The following STIL variants were observed in gnomAD, a reference collection of about 807,000 sequenced individuals.
The protein encoded by STIL is STIL centriolar assembly protein.
In STIL, 55 loss-of-function variants were observed where a neutral mutation model predicts 110.1. That is an observed-to-expected ratio of 0.50 (90% CI 0.40 to 0.63). The LOEUF (loss-of-function observed/expected upper bound fraction) is 0.63. Among genes scored for constraint, STIL ranks in the 20% least tolerant of loss-of-function variants. The pLI, the probability that STIL is intolerant of heterozygous loss-of-function variation, is 0.00. For missense variants in STIL, 1,358 were observed against 1,530.0 expected (o/e 0.89, Z 1.87); for synonymous variants, 481 against 530.0 (o/e 0.91, Z 1.27).
chr1:47,310,856 T>C (rs1439196468), intron 1 of STIL, among the ~76,000 whole-genome samples: 1 of 152,100 alleles, frequency 6.6e-6, no homozygotes, highest in Non-Finnish European at 1.5e-5. Context: ...AAAATCAGTG[T>C]TCTTTTTTTT....
rs1645127306 is a variant in STIL at position 47,280,514 on chromosome 1, A to C, written c.1944T>G (p.Cys648Trp). 1.2e-6 allele frequency: 2 copies of C among 1,614,140 alleles called. No individual in the cohort carries two copies. The highest frequency in any genetic ancestry group is 2.7e-5 in the African/African-American group (2 of 74,952). ...QKHSLFHPSG[C>W]PALYCNAFCS... ...AGAATGCATTACAGTACAGGGCTGG[A>C]CATCCACTTGGGTGAAATAATGAAT... The change falls in exon 12 of 17, where the codon TGT (cysteine) becomes TGG (tryptophan). Residue 648 changes from cysteine to tryptophan, a missense_variant. Cys to Trp is a radical substitution (Grantham distance 215). Transcript: ENST00000371877.
chr1:47,289,872 A>G (rs1445602705), intron 8 of STIL, among the ~76,000 whole-genome samples: 1 of 146,918 alleles, frequency 6.8e-6, no homozygotes, highest in Non-Finnish European at 1.5e-5. Context: ...CGGGAGGCGG[A>G]GCTTGTAATG....
chr1:47,280,276 C>T lies in STIL; in HGVS notation c.2182G>A (p.Glu728Lys). Reference sequence around the variant, plus strand: ...AGTAGTCTTAGCTGTCTGTCTTGTTCTGTGAGGAACCGATATGCATCTGGA... The same window carrying T: ...AGTAGTCTTAGCTGTCTGTCTTGTTTTGTGAGGAACCGATATGCATCTGGA... ...LSPDAYRFLTEQDRQLRLLQA... is the reference protein window; with the variant it reads ...LSPDAYRFLTKQDRQLRLLQA... The change falls in exon 12 of 17, where the codon GAA becomes AAA. Residue 728 changes from glutamate (E) to lysine (K), a missense_variant. By Grantham distance (56) the Glu-to-Lys change is moderately conservative (BLOSUM62 1). Transcript: ENST00000371877. 6.2e-7 allele frequency: 1 copy of T among 1,614,218 alleles called. No individual in the cohort carries two copies. The highest frequency in any genetic ancestry group is 8.5e-7 in the Non-Finnish European group (1 of 1,180,040).
At position 47,262,872 on chromosome 1, in the gene STIL, C is replaced by A. The variant is rs747929067; in HGVS notation, c.2829+31G>T. 2.5e-6 allele frequency: 4 copies of A among 1,606,202 alleles called. No individual in the cohort carries two copies. In the South Asian group the frequency reaches 3.3e-5, roughly 13 times the overall value. ...TATATCCTATACTAAATAACCTTCT[C>A]AAAAAGATGAAATGCTCTACATTTT... On this transcript the variant is annotated intron_variant, in intron 15 of 16. Transcript: ENST00000371877.
At chr1:47,300,955 T>C (rs935552405) in intron 5 of STIL, among the ~76,000 whole-genome samples, 2 of 152,220 alleles carry the variant, frequency 1.3e-5, no homozygotes, top group African/African-American at 2.4e-5. Context: ...GCCCAACTTC[T>C]ACAATGGCTA....
At chr1:47,265,519 A>T (rs1644623474) in intron 14 of STIL, among the ~76,000 whole-genome samples, 1 of 151,662 alleles carries the variant, frequency 6.6e-6, no homozygotes, top group Non-Finnish European at 1.5e-5. Flanking sequence ...GGTGACTCAC[A>T]CCTGTAATCC....
intron 7 of STIL, 55 bp downstream of exon 7, chr1:47,295,710 C>A: frequency 8.4e-7 from 1 of 1,191,760 alleles, no homozygotes; most frequent in Non-Finnish European, 1.3e-6. Flanking sequence ...ACATGCTTAT[C>A]ATATACATTT....
Position 47,281,392 on chromosome 1 carries a change from A to G in STIL, c.1249-183T>C, listed in dbSNP as rs566455134. Among the ~76,000 whole-genome samples, 287 of 152,320 alleles carry G rather than the reference A, an allele frequency of 1.9e-3. 1 individual carries two copies. Among genetic ancestry groups the G allele is most frequent in the Non-Finnish European group, 2.5e-3 (167 of 68,028 alleles). ...TTATGTGCTAAGCACTAGGAATGCA[A>G]TTGTAAGCTAAATAAACAAGGTCCT... On this transcript the variant is annotated intron_variant, in intron 11 of 16. Coordinates refer to ENST00000371877, the MANE Select transcript of STIL (RefSeq NM_001048166.1).
chr1:47,263,814 G>A (rs550677767), intron 14 of STIL, among the ~76,000 whole-genome samples: 90 of 140,014 alleles, frequency 6.4e-4, no homozygotes, highest in African/African-American at 2.0e-3. Flanking sequence ...ATGTAGTGGC[G>A]TCATCTCGGC....
At chr1:47,271,942 A>T in intron 13 of STIL, 134 bp downstream of exon 13, 1 of 857,878 alleles carries the variant, frequency 1.2e-6, no homozygotes, top group South Asian at 1.6e-5. Context: ...TCACACAAAA[A>T]CTTAAGTCAT....
chr1:47,312,440 G>A (rs932439217), intron 1 of STIL, among the ~76,000 whole-genome samples: 4 of 151,390 alleles, frequency 2.6e-5, no homozygotes, highest in East Asian at 1.9e-4. Context: ...GCAACAGAGC[G>A]AGACTCCGTC....
At chr1:47,260,160 TA>T (rs1251584825) in intron 16 of STIL, 128 bp downstream of exon 16, 5 of 938,434 alleles carry the variant, frequency 5.3e-6, no homozygotes, top group Non-Finnish European at 7.8e-6. Context: ...GGCACAAACG[TA>T]ACTTTTCTGA....
At chr1:47,282,958 A>G (rs146505268) in intron 10 of STIL, 220 of 154,374 alleles carry the variant, frequency 1.4e-3, no homozygotes, top group Admixed American at 3.2e-3. Context: ...AGGAATACTC[A>G]TTGTATCACA....
At chr1:47,271,135 T>C (rs565346523) in intron 13 of STIL, among the ~76,000 whole-genome samples, 2 of 152,322 alleles carry the variant, frequency 1.3e-5, no homozygotes, top group Admixed American at 1.3e-4. Context: ...TTTATACCTA[T>C]GAGTATTGGA....
At chr1:47,295,382 C>T (rs1027332350) in intron 7 of STIL, among the ~76,000 whole-genome samples, 3 of 152,042 alleles carry the variant, frequency 2.0e-5, no homozygotes, top group South Asian at 2.1e-4. Context: ...GGGTTCGAGA[C>T]GAGCCTGGCC....
chr1:47,313,318 C>A (rs973710277), intron 1 of STIL, among the ~76,000 whole-genome samples: 1 of 145,312 alleles, frequency 6.9e-6, no homozygotes, highest in African/African-American at 2.6e-5. Context: ...AGTGAAACTG[C>A]GTCTCAAAAA....
In STIL at chr1:47,301,660, A is replaced by G; in HGVS notation, c.354T>C (p.Leu118=). 1 of 1,614,068 alleles carries G rather than the reference A, an allele frequency of 6.2e-7. No homozygotes were observed. The highest frequency in any genetic ancestry group is 8.5e-7 in the Non-Finnish European group (1 of 1,180,010). Residue 118 remains leucine, a synonymous_variant, in exon 5 of 17, where the codon CTT becomes CTC. Coordinates refer to ENST00000371877, the MANE Select transcript of STIL (RefSeq NM_001048166.1). ...ECLEITPTAS[L]PGDFLIPCKV... ...TGCATGGAATCAAAAAGTCCCCAGG[A>G]AGAGAAGCAGTAGGGGTTATTTCTA...
intron 5 of STIL, among the ~76,000 whole-genome samples, 161 bp downstream of exon 5, chr1:47,301,400 G>T (rs1028920573): frequency 1.3e-5 from 2 of 152,060 alleles, no homozygotes; most frequent in Non-Finnish European, 2.9e-5. Context: ...CTTACCTAGA[G>T]TTTTTGCCCT....
intron 16 of STIL, among the ~76,000 whole-genome samples, chr1:47,252,573 T>C (rs1644215180): frequency 6.6e-6 from 1 of 152,166 alleles, no homozygotes; most frequent in Non-Finnish European, 1.5e-5. Flanking sequence ...TCATTTAATT[T>C]ACGACTATTA....
Sources: gnomAD v4.1 joint callset for allele counts (sites outside exome capture counted in the v4.1 genomes callset) on GRCh38, gnomAD v4.1.1 for gene constraint, MANE v1.5 for transcripts, NCBI Gene and HGNC (gene_info 2026-07-23, HGNC 2026-07-21) for gene names.